Variants in SLC24A2 observed in about 807,000 individuals in gnomAD.
SLC24A2 encodes solute carrier family 24 member 2, also known as sodium/potassium/calcium exchanger 2.
Under a neutral mutation model 62.0 loss-of-function variants are expected in SLC24A2, and 36 were observed. The observed-to-expected ratio is 0.58, with a 90% confidence interval of 0.44 to 0.77. The LOEUF is 0.77. Ranked by LOEUF, SLC24A2 falls within the 30% of genes least tolerant of loss-of-function variation. SLC24A2 has a pLI of 0.00. For missense variants in SLC24A2, 846 were observed against 817.9 expected, an observed-to-expected ratio of 1.03 and a Z score of -0.42; for synonymous variants, 358 against 294.0, an observed-to-expected ratio of 1.22 and a Z score of -2.23.
chr9:19,882,081 T>C, the SLC24A2 span, among the ~76,000 whole-genome samples: 29 of 152,352 alleles, frequency 1.9e-4, no homozygotes, highest in African/African-American at 5.1e-4. Flanking sequence ...CTGTCATACA[T>C]TAATCTTTGC....
chr9:19,766,554 C>A (rs930252366), intron 2 of SLC24A2, among the ~76,000 whole-genome samples: 2 of 152,204 alleles, frequency 1.3e-5, no homozygotes, highest in African/African-American at 4.8e-5. Flanking sequence ...AACAGACAGG[C>A]CCCTCTTCTG....
the SLC24A2 span, among the ~76,000 whole-genome samples, chr9:19,962,180 T>C: frequency 5.9e-5 from 9 of 152,174 alleles, no homozygotes; most frequent in African/African-American, 2.2e-4. Context: ...TGTCTTCAAA[T>C]CCTCACTTTA....
At chr9:19,561,561 A>C (rs936340356) in intron 7 of SLC24A2, among the ~76,000 whole-genome samples, 1 of 150,630 alleles carries the variant, frequency 6.6e-6, no homozygotes, top group African/African-American at 2.5e-5. Context: ...CAGCCTCCCG[A>C]GTAGCTGGGA....
At chr9:19,961,896 G>C in the SLC24A2 span, among the ~76,000 whole-genome samples, 2 of 152,150 alleles carry the variant, frequency 1.3e-5, no homozygotes, top group African/African-American at 4.8e-5. Flanking sequence ...CTCTTCAAAA[G>C]AATGTAGTCC....
At chr9:19,783,466 A>C (rs188234438) in intron 2 of SLC24A2, among the ~76,000 whole-genome samples, 1 of 152,336 alleles carries the variant, frequency 6.6e-6, no homozygotes, top group Non-Finnish European at 1.5e-5. Flanking sequence ...CAGAAGCATT[A>C]ATTTCTGTAA....
the SLC24A2 span, among the ~76,000 whole-genome samples, chr9:19,833,746 A>T: frequency 3.2e-3 from 485 of 152,358 alleles, 4 homozygotes; most frequent in African/African-American, 0.011. Flanking sequence ...CCCAGCACGC[A>T]GCTTGAGATC....
At chr9:20,282,503 C>A in the SLC24A2 span, among the ~76,000 whole-genome samples, 1 of 152,202 alleles carries the variant, frequency 6.6e-6, no homozygotes, top group East Asian at 1.9e-4. Flanking sequence ...ATCTGAAATC[C>A]AAGAGATTAA....
the SLC24A2 span, among the ~76,000 whole-genome samples, chr9:20,224,337 A>G: frequency 2.0e-5 from 3 of 151,972 alleles, no homozygotes; most frequent in African/African-American, 4.8e-5. Flanking sequence ...AGCCACAAAC[A>G]CGATGAGTTG....
At chr9:20,285,040 A>G in the SLC24A2 span, among the ~76,000 whole-genome samples, 1 of 152,228 alleles carries the variant, frequency 6.6e-6, no homozygotes, top group African/African-American at 2.4e-5. Context: ...CCTAATATTT[A>G]CTACCAGCAG....
At chr9:19,675,594 T>C (rs955906912) in intron 2 of SLC24A2, among the ~76,000 whole-genome samples, 6 of 152,244 alleles carry the variant, frequency 3.9e-5, no homozygotes, top group African/African-American at 1.2e-4. Flanking sequence ...AGAAGGATTA[T>C]GGCTGCCTCT....
At chr9:19,881,360 CAT>C in the SLC24A2 span, among the ~76,000 whole-genome samples, 1 of 152,152 alleles carries the variant, frequency 6.6e-6, no homozygotes, top group Non-Finnish European at 1.5e-5. Flanking sequence ...ATAAAAGTAT[CAT>C]GTGCTGTTGA....
chr9:19,561,601 A>AT (rs1421128208), intron 7 of SLC24A2, among the ~76,000 whole-genome samples: 5 of 151,450 alleles, frequency 3.3e-5, no homozygotes, highest in Non-Finnish European at 7.4e-5. Flanking sequence ...CACCTGGCTA[A>AT]TTTTTTGTAT....
At chr9:19,645,516 A>C (rs1818616277) in intron 2 of SLC24A2, among the ~76,000 whole-genome samples, 1 of 151,712 alleles carries the variant, frequency 6.6e-6, no homozygotes, top group African/African-American at 2.4e-5. Context: ...ACATTGTGGC[A>C]AAAAAAATGT....
intron 7 of SLC24A2, among the ~76,000 whole-genome samples, chr9:19,571,825 G>A (rs1207125236): frequency 1.3e-5 from 2 of 152,176 alleles, no homozygotes; most frequent in African/African-American, 4.8e-5. Context: ...AGGTGGTTCT[G>A]CCTACATTTT....
intron 2 of SLC24A2, among the ~76,000 whole-genome samples, chr9:19,678,230 T>TGAAAGAAA (rs1469607168): frequency 5.3e-5 from 8 of 152,226 alleles, no homozygotes; most frequent in Non-Finnish European, 1.2e-4. Flanking sequence ...TTTGTTATTC[T>TGAAAGAAA]GACTCTAAAT....
the SLC24A2 span, among the ~76,000 whole-genome samples, chr9:20,165,054 C>G: frequency 6.6e-6 from 1 of 150,568 alleles, no homozygotes; most frequent in Non-Finnish European, 1.5e-5. Context: ...TTAATGGGTG[C>G]AGCACACCAG....
chr9:20,172,012 A>T, the SLC24A2 span, among the ~76,000 whole-genome samples: 1 of 151,916 alleles, frequency 6.6e-6, no homozygotes, highest in South Asian at 2.1e-4. Context: ...TATATCAAGC[A>T]CTCTCTCAGA....
intron 8 of SLC24A2, among the ~76,000 whole-genome samples, chr9:19,529,424 T>C (rs574466021): frequency 7.2e-5 from 11 of 152,334 alleles, no homozygotes; most frequent in African/African-American, 2.2e-4. Context: ...AATTTCAAGT[T>C]TTCAATATAT....
chr9:20,257,438 C>A, the SLC24A2 span, among the ~76,000 whole-genome samples: 633 of 152,046 alleles, frequency 4.2e-3, 4 homozygotes, highest in African/African-American at 0.015. Flanking sequence ...ATCTGTGGTC[C>A]CAATCCTTCT....
Sources: gnomAD v4.1 joint callset for allele counts (sites outside exome capture counted in the v4.1 genomes callset) on GRCh38, gnomAD v4.1.1 for gene constraint, MANE v1.5 for transcripts, NCBI Gene and HGNC (gene_info 2026-07-23, HGNC 2026-07-21) for gene names.